The following PRKCA variants were observed in gnomAD, a reference collection of about 807,000 sequenced individuals.
The protein encoded by PRKCA is protein kinase C alpha.
A neutral mutation model predicts 87.0 loss-of-function variants in PRKCA; 27 were observed. That is an observed-to-expected ratio of 0.31 (90% CI 0.23 to 0.43). The LOEUF (loss-of-function observed/expected upper bound fraction) is 0.43, where lower values mean the gene tolerates loss of function less well. Among genes scored for constraint, PRKCA ranks in the 20% least tolerant of loss-of-function variants. The pLI, the probability that PRKCA is intolerant of heterozygous loss-of-function variation, is 1.00. For missense variants in PRKCA, 518 were observed against 852.3 expected, an observed-to-expected ratio of 0.61 and a Z score of 4.88; for synonymous variants, 329 against 311.1, an observed-to-expected ratio of 1.06 and a Z score of -0.61.
At chr17:66,360,400 A>C (rs1314243719) in intron 2 of PRKCA, among the ~76,000 whole-genome samples, 1 of 152,204 alleles carries the variant, frequency 6.6e-6, no homozygotes, top group Admixed American at 6.5e-5. Flanking sequence ...CCACGAGAAA[A>C]ATACTCACTG....
chr17:66,364,828 T>A (rs893609827), intron 2 of PRKCA, among the ~76,000 whole-genome samples: 6 of 152,230 alleles, frequency 3.9e-5, no homozygotes, highest in African/African-American at 7.2e-5. Flanking sequence ...GTTTTCTGCA[T>A]AACCCCATCT....
At chr17:66,538,888 G>T (rs1009692381) in intron 3 of PRKCA, among the ~76,000 whole-genome samples, 2 of 152,192 alleles carry the variant, frequency 1.3e-5, no homozygotes, top group African/African-American at 2.4e-5. Flanking sequence ...AGGGAGAACA[G>T]CATCGCCATT....
chr17:66,575,991 G>A (rs1969227213), intron 3 of PRKCA, among the ~76,000 whole-genome samples: 1 of 151,988 alleles, frequency 6.6e-6, no homozygotes, highest in African/African-American at 2.4e-5. Flanking sequence ...ATGCATGCCT[G>A]TAATCCCAGC....
chr17:66,489,965 G>A (rs1363048339), intron 2 of PRKCA, among the ~76,000 whole-genome samples: 1 of 151,688 alleles, frequency 6.6e-6, no homozygotes, highest in Non-Finnish European at 1.5e-5. Context: ...AATTTTAGTA[G>A]AGACAGGGTT....
chr17:66,576,539 T>C (rs1598784236), intron 3 of PRKCA, among the ~76,000 whole-genome samples: 1 of 152,248 alleles, frequency 6.6e-6, no homozygotes, highest in South Asian at 2.1e-4. Flanking sequence ...TTGATTCCTA[T>C]TGGTTTTTGC....
chr17:66,464,747 G>A (rs925202100), intron 2 of PRKCA, among the ~76,000 whole-genome samples: 6 of 151,906 alleles, frequency 3.9e-5, no homozygotes, highest in Admixed American at 2.0e-4. Context: ...AGAGTTATTT[G>A]TATATTTTGT....
At chr17:66,454,607 G>T (rs574573143) in intron 2 of PRKCA, among the ~76,000 whole-genome samples, 16 of 152,114 alleles carry the variant, frequency 1.1e-4, no homozygotes, top group Admixed American at 3.3e-4. Flanking sequence ...AAGGTGAAAG[G>T]CACATCCACA....
intron 14 of PRKCA, among the ~76,000 whole-genome samples, chr17:66,779,978 T>C (rs1026823553): frequency 2.6e-5 from 4 of 152,222 alleles, no homozygotes; most frequent in African/African-American, 4.8e-5. Context: ...GGAAAAGGAA[T>C]AGAATTAGTA....
intron 2 of PRKCA, among the ~76,000 whole-genome samples, chr17:66,472,871 G>A (rs923891627): frequency 1.4e-4 from 22 of 151,890 alleles, no homozygotes; most frequent in East Asian, 3.9e-4. Context: ...TTTTGCCTCC[G>A]ACCGAACTTG....
At position 66,701,647 on chromosome 17, in the gene PRKCA, G is replaced by T. The variant is rs1598883766; in HGVS notation, c.918+12600G>T. ...AAGAAAACCCACAGATTTTAAAATGGGCAAAAGACCTGAATAGACATTTTT... is the reference window on the plus strand; with the variant it reads ...AAGAAAACCCACAGATTTTAAAATGTGCAAAAGACCTGAATAGACATTTTT... On this transcript the variant is annotated intron_variant, in intron 8 of 16. Transcript: ENST00000413366. Among the ~76,000 whole-genome samples, 3 of 151,992 alleles carry T rather than the reference G, an allele frequency of 2.0e-5. No homozygotes were observed. The South Asian group carries it at 6.2e-4, about 32-fold the overall frequency.
chr17:66,712,277 A>C (rs1312280726), intron 8 of PRKCA, among the ~76,000 whole-genome samples: 1 of 152,096 alleles, frequency 6.6e-6, no homozygotes, highest in Non-Finnish European at 1.5e-5. Flanking sequence ...GAACACCTCC[A>C]TTCTGATGGA....
intron 13 of PRKCA, among the ~76,000 whole-genome samples, chr17:66,755,081 C>T (rs1294473009): frequency 6.6e-6 from 1 of 152,128 alleles, no homozygotes; most frequent in Non-Finnish European, 1.5e-5. Context: ...CGATTTCTGC[C>T]AGGATCAGCT....
At chr17:66,341,124 A>G (rs1907018559) in intron 2 of PRKCA, among the ~76,000 whole-genome samples, 1 of 152,106 alleles carries the variant, frequency 6.6e-6, no homozygotes, top group Admixed American at 6.5e-5. Context: ...CTCAGGATAC[A>G]TTGCCGAATC....
chr17:66,772,262 A>G (rs537857328), intron 13 of PRKCA, among the ~76,000 whole-genome samples: 23 of 152,310 alleles, frequency 1.5e-4, no homozygotes, highest in Admixed American at 1.0e-3. Flanking sequence ...TTGTAAAAGA[A>G]ATTAGAGACT....
At chr17:66,789,004 T>G in intron 16 of PRKCA, 25 bp downstream of exon 16, 1 of 1,613,594 alleles carries the variant, frequency 6.2e-7, no homozygotes, top group Non-Finnish European at 8.5e-7. Flanking sequence ...GCAGCCTGTT[T>G]TCGGAACCCC....
At chr17:66,522,405 T>A (rs962661142) in intron 3 of PRKCA, among the ~76,000 whole-genome samples, 4 of 152,110 alleles carry the variant, frequency 2.6e-5, no homozygotes, top group Non-Finnish European at 4.4e-5. Flanking sequence ...GGAGCTCTTG[T>A]CAGTTGGCAG....
intron 2 of PRKCA, among the ~76,000 whole-genome samples, chr17:66,314,905 G>A (rs1905233095): frequency 6.7e-6 from 1 of 149,888 alleles, no homozygotes; most frequent in South Asian, 2.2e-4. Context: ...GTGTGTGTAT[G>A]TATGTATGTG....
intron 3 of PRKCA, among the ~76,000 whole-genome samples, chr17:66,567,047 C>A: frequency 6.6e-6 from 1 of 152,170 alleles, no homozygotes; most frequent in East Asian, 1.9e-4. Context: ...ACATTTTCCA[C>A]TGCAAGTAAG....
chr17:66,724,220 C>T (rs749394211), intron 8 of PRKCA, among the ~76,000 whole-genome samples: 12 of 151,360 alleles, frequency 7.9e-5, no homozygotes, highest in Non-Finnish European at 1.5e-4. Context: ...GGTGTGAACC[C>T]GGGAGGTGGA....
Sources: allele counts gnomAD v4.1 joint callset (sites outside exome capture counted in the v4.1 genomes callset), GRCh38; gene constraint gnomAD v4.1.1; transcripts MANE v1.5; gene names NCBI Gene and HGNC (gene_info 2026-07-23, HGNC 2026-07-21).